The following TNRC6A variants were observed in gnomAD, a reference collection of about 807,000 sequenced individuals.
The protein encoded by TNRC6A is trinucleotide repeat-containing gene 6A protein.
Under a neutral mutation model 221.2 loss-of-function variants are expected in TNRC6A, and 44 were observed. That is an observed-to-expected ratio of 0.20 (90% CI 0.16 to 0.26). TNRC6A has a LOEUF of 0.26. Ranked by LOEUF, TNRC6A falls within the 10% of genes least tolerant of loss-of-function variation. The pLI is 1.00. For missense variants in TNRC6A, 2,199 were observed against 2,404.4 expected, an observed-to-expected ratio of 0.91 and a Z score of 1.79; for synonymous variants, 847 against 838.5, an observed-to-expected ratio of 1.01 and a Z score of -0.18.
chr16:24,648,827 G>A (rs1293062501), intron 2 of TNRC6A, among the ~76,000 whole-genome samples: 1 of 152,142 alleles, frequency 6.6e-6, no homozygotes, highest in African/African-American at 2.4e-5. Context: ...TGTATTTGCT[G>A]AAAATGTCTC....
At chr16:24,763,263 A>G (rs1048530307) in intron 4 of TNRC6A, among the ~76,000 whole-genome samples, 2 of 152,212 alleles carry the variant, frequency 1.3e-5, no homozygotes, top group Non-Finnish European at 2.9e-5. Flanking sequence ...AAATGTAATG[A>G]CAATTTTGCT....
intron 2 of TNRC6A, among the ~76,000 whole-genome samples, chr16:24,746,442 A>C (rs1452244689): frequency 2.0e-5 from 3 of 152,124 alleles, no homozygotes; most frequent in African/African-American, 7.2e-5. Flanking sequence ...TTAGTGCTTG[A>C]GGTTTCTATT....
chr16:24,781,043 CTTT>C lies in TNRC6A; in HGVS notation c.589+3708_589+3710del, dbSNP rs35502747. On this transcript the variant is annotated intron_variant, in intron 5 of 24. Transcript: ENST00000395799. Reference sequence around the variant, plus strand: ...AAAAATTTTCTTAAGCCTCCATACTCTTTTTTTTTTTTTTTTTTTTTTTTTGGA... The same window carrying C: ...AAAAATTTTCTTAAGCCTCCATACTCTTTTTTTTTTTTTTTTTTTTTTGGA... Among the ~76,000 whole-genome samples the C allele has an allele frequency of 7.2e-3, 384 of 53,418 alleles. 3 individuals are homozygous for C. Among genetic ancestry groups the C allele is most frequent in the African/African-American group, 0.032 (364 of 11,314 alleles). 35.0% of individuals were successfully genotyped at this position (53,418 alleles called of 152,430 possible).
At chr16:24,802,721 CAG>C (rs1428132383) in intron 11 of TNRC6A, among the ~76,000 whole-genome samples, 1 of 152,118 alleles carries the variant, frequency 6.6e-6, no homozygotes, top group African/African-American at 2.4e-5. Flanking sequence ...AGCAAGTTTA[CAG>C]AGAGAGTCAA....
At chr16:24,730,002 C>G (rs185924119) in intron 1 of TNRC6A, among the ~76,000 whole-genome samples, 156 bp downstream of exon 1, 4,509 of 147,906 alleles carry the variant, frequency 0.03, 236 homozygotes, top group African/African-American at 0.1. Context: ...CTGCGGAGGC[C>G]GAGCGGGCGG....
At chr16:24,776,522 G>A in intron 4 of TNRC6A, 1 of 985,450 alleles carries the variant, frequency 1.0e-6, no homozygotes, top group Non-Finnish European at 1.2e-6. Context: ...TAACAATGAG[G>A]CAGAATAAGA....
intron 1 of TNRC6A, among the ~76,000 whole-genome samples, chr16:24,625,914 T>C (rs1294686232): frequency 6.6e-6 from 1 of 152,100 alleles, no homozygotes; most frequent in African/African-American, 2.4e-5. Context: ...TTGTTTATTT[T>C]TATTCTTCCA....
intron 1 of TNRC6A, among the ~76,000 whole-genome samples, chr16:24,611,137 C>T (rs1005529102): frequency 6.6e-6 from 1 of 151,992 alleles, no homozygotes; most frequent in Non-Finnish European, 1.5e-5. Flanking sequence ...ATTCACATAC[C>T]TTTCTGTCTC....
At chr16:24,678,964 A>G (rs7189258) in intron 2 of TNRC6A, among the ~76,000 whole-genome samples, 36,505 of 151,556 alleles carry the variant, frequency 0.24, 4,872 homozygotes, top group Non-Finnish European at 0.31. Context: ...ATCTAAAAGT[A>G]CTAATATGAA....
chr16:24,772,043 A>C (rs1393839605), intron 4 of TNRC6A, among the ~76,000 whole-genome samples: 1 of 152,234 alleles, frequency 6.6e-6, no homozygotes, highest in African/African-American at 2.4e-5. Flanking sequence ...TGCAAAGCCC[A>C]AAATATTTAC....
chr16:24,823,419 C>G lies in TNRC6A; in HGVS notation c.5514-13C>G. The G allele has an allele frequency of 6.3e-7, 1 of 1,598,398 alleles. No individual in the cohort carries two copies. The highest frequency in any genetic ancestry group is 8.5e-7 in the Non-Finnish European group (1 of 1,169,772). On this transcript the variant is annotated splice_polypyrimidine_tract_variant and intron_variant, in intron 24 of 24. Coordinates refer to ENST00000395799, the MANE Select transcript of TNRC6A (RefSeq NM_014494.4). The surrounding 1 kb of genome is among the most constrained non-coding windows in gnomAD (Gnocchi z 4.3). ...TGCTGTCCTCACGTGTCCGCGGTGCCTCTCTCCTCTAGGTGTGTACTGGGG... is the reference window on the plus strand; with the variant it reads ...TGCTGTCCTCACGTGTCCGCGGTGCGTCTCTCCTCTAGGTGTGTACTGGGG...
intron 2 of TNRC6A, among the ~76,000 whole-genome samples, chr16:24,736,580 T>G (rs2056772913): frequency 6.6e-6 from 1 of 152,208 alleles, no homozygotes; most frequent in Admixed American, 6.5e-5. Context: ...TCCAGTCTAG[T>G]TGTTTTTGCA....
intron 11 of TNRC6A, among the ~76,000 whole-genome samples, chr16:24,798,464 C>T (rs904954499): frequency 6.6e-6 from 1 of 152,080 alleles, no homozygotes; most frequent in African/African-American, 2.4e-5. Context: ...TAAAGTGAAG[C>T]AAGGGAATGA....
chr16:24,769,982 A>G (rs1040279571), intron 4 of TNRC6A, among the ~76,000 whole-genome samples: 1 of 152,224 alleles, frequency 6.6e-6, no homozygotes, highest in Admixed American at 6.5e-5. Context: ...GCACTTACAG[A>G]GCACATTGAC....
At chr16:24,726,136 T>C (rs768630831), upstream of TNRC6A, among the ~76,000 whole-genome samples, 1 of 152,116 alleles carries the variant, frequency 6.6e-6, no homozygotes, top group African/African-American at 2.4e-5. Context: ...GTGAGTGAAT[T>C]GTCATTTTGG....
chr16:24,625,737 C>CAA (rs749882396), intron 1 of TNRC6A, among the ~76,000 whole-genome samples: 1,870 of 23,964 alleles, frequency 0.078, 38 homozygotes, highest in Non-Finnish European at 0.12. Flanking sequence ...CGTCTCAAAA[C>CAA]AAAAAAAAAA....
rs919653203 is a variant in TNRC6A at position 24,825,589 on chromosome 16, C to T, written c.*1782C>T. 1 of 152,656 alleles carries T rather than the reference C, an allele frequency of 6.6e-6. No homozygotes were observed. Among genetic ancestry groups the T allele is most frequent in the Non-Finnish European group, 1.5e-5 (1 of 68,042 alleles). The allele number at this position is 152,656 out of a possible 1,614,324, so 9.5% of individuals were successfully genotyped here. ...CTAAGCAAATATTTGAACATTTTAT[C>T]TGAACTCATCACAATTTCACCCTGA... is the stretch of plus-strand genomic sequence containing the variant. On this transcript the variant is annotated 3_prime_UTR_variant, in exon 25 of 25. Transcript: ENST00000395799.
intron 2 of TNRC6A, among the ~76,000 whole-genome samples, chr16:24,667,991 C>T (rs995341713): frequency 6.6e-6 from 1 of 152,096 alleles, no homozygotes; most frequent in Non-Finnish European, 1.5e-5. Flanking sequence ...CACCACTGCA[C>T]TCCAGTCATG....
chr16:24,810,323 G>C (rs907677306), intron 18 of TNRC6A, among the ~76,000 whole-genome samples: 1 of 152,020 alleles, frequency 6.6e-6, no homozygotes, highest in Non-Finnish European at 1.5e-5. Flanking sequence ...TTAGCACCTG[G>C]AATACATAGA....
Sources: allele counts gnomAD v4.1 joint callset (sites outside exome capture counted in the v4.1 genomes callset), GRCh38; gene constraint gnomAD v4.1.1; non-coding constraint Gnocchi (gnomAD v3.1); transcripts MANE v1.5; gene names NCBI Gene and HGNC (gene_info 2026-07-23, HGNC 2026-07-21).